The following RASEF variants were observed in gnomAD, a reference collection of about 807,000 sequenced individuals.
RASEF encodes the protein RAS and EF-hand domain containing, also known as ras and EF-hand domain-containing protein.
A neutral mutation model predicts 90.1 loss-of-function variants in RASEF; 68 were observed. That is an observed-to-expected ratio of 0.75 (90% confidence interval 0.62 to 0.92). RASEF has a LOEUF of 0.92. RASEF is among the 40% of genes least tolerant of loss of function. RASEF has a pLI of 0.00. For missense variants in RASEF, 949 were observed against 937.2 expected, an observed-to-expected ratio of 1.01 and a Z score of -0.16; for synonymous variants, 331 against 345.2, an observed-to-expected ratio of 0.96 and a Z score of 0.46.
the RASEF span, among the ~76,000 whole-genome samples, chr9:83,170,736 A>G: frequency 6.6e-6 from 1 of 151,972 alleles, no homozygotes; most frequent in Non-Finnish European, 1.5e-5. Flanking sequence ...ATTAGCTAGT[A>G]TAGAAACACT....
the RASEF span, among the ~76,000 whole-genome samples, chr9:83,123,237 C>CA: frequency 0.017 from 1,376 of 83,326 alleles, 58 homozygotes; most frequent in African/African-American, 0.048. Context: ...GAGACTCCAT[C>CA]AAAAAAAAAA....
At chr9:83,093,266 G>A in the RASEF span, among the ~76,000 whole-genome samples, 2 of 152,242 alleles carry the variant, frequency 1.3e-5, no homozygotes, top group African/African-American at 4.8e-5. Flanking sequence ...GCTGCAGGTG[G>A]AGCTGCCTGC....
chr9:83,189,315 C>G, the RASEF span, among the ~76,000 whole-genome samples: 1 of 152,178 alleles, frequency 6.6e-6, no homozygotes, highest in Non-Finnish European at 1.5e-5. Flanking sequence ...TGCAATGATT[C>G]TAAGTTTCCT....
intron 6 of RASEF, among the ~76,000 whole-genome samples, chr9:83,008,891 CATATAT>C (rs56810511): frequency 0.014 from 271 of 19,552 alleles, 1 homozygote; most frequent in African/African-American, 0.017. Context: ...AAGTTCTCAT[CATATAT>C]ATATATATAT....
At chr9:83,049,602 CA>C (rs1325889922) in intron 1 of RASEF, among the ~76,000 whole-genome samples, 1 of 128,724 alleles carries the variant, frequency 7.8e-6, no homozygotes, top group African/African-American at 3.3e-5. Flanking sequence ...AGGTTAGTTA[CA>C]TATGTATACA....
At chr9:83,189,965 C>T in the RASEF span, among the ~76,000 whole-genome samples, 5 of 152,200 alleles carry the variant, frequency 3.3e-5, no homozygotes, top group South Asian at 8.3e-4. Flanking sequence ...TTTCTTCTCT[C>T]ACTCTGGAGT....
chr9:83,198,504 G>C, the RASEF span, among the ~76,000 whole-genome samples: 1 of 152,264 alleles, frequency 6.6e-6, no homozygotes, highest in East Asian at 1.9e-4. Context: ...AGACCCCAGG[G>C]AGCGGCCCCA....
At chr9:82,987,936 A>G (rs1828738515) in intron 16 of RASEF, among the ~76,000 whole-genome samples, 1 of 152,178 alleles carries the variant, frequency 6.6e-6, no homozygotes, top group African/African-American at 2.4e-5. Context: ...GCAGCTAGTA[A>G]CCACATGCAA....
At chr9:83,083,671 G>C in the RASEF span, among the ~76,000 whole-genome samples, 1 of 152,060 alleles carries the variant, frequency 6.6e-6, no homozygotes, top group Non-Finnish European at 1.5e-5. Flanking sequence ...AGAATCATCA[G>C]CAAAACCATA....
the RASEF span, among the ~76,000 whole-genome samples, chr9:83,117,190 C>T: frequency 6.6e-6 from 1 of 151,986 alleles, no homozygotes; most frequent in Non-Finnish European, 1.5e-5. Context: ...TTAGATTTTC[C>T]CAGACTGATA....
chr9:83,126,965 C>A, the RASEF span, among the ~76,000 whole-genome samples: 1 of 152,102 alleles, frequency 6.6e-6, no homozygotes, highest in African/African-American at 2.4e-5. Flanking sequence ...CTCTGGACTG[C>A]TTTAGCAGAT....
the RASEF span, among the ~76,000 whole-genome samples, chr9:83,104,888 G>T: frequency 2.0e-5 from 3 of 152,122 alleles, no homozygotes; most frequent in Non-Finnish European, 4.4e-5. Flanking sequence ...TTTAGCACTT[G>T]CCCAATACCA....
At position 83,022,392 on chromosome 9, in the gene RASEF, A is replaced by G. The variant is rs1829460851; in HGVS notation, c.613T>C (p.Leu205=). 1 of 1,613,882 alleles carries G rather than the reference A, an allele frequency of 6.2e-7. No homozygotes were observed. The highest frequency in any genetic ancestry group is 8.5e-7 in the Non-Finnish European group (1 of 1,179,946). Residue 205 remains leucine, a synonymous_variant, in exon 3 of 17, where the codon TTG becomes CTG. Coordinates refer to ENST00000376447, the MANE Select transcript of RASEF (RefSeq NM_152573.4). ...ATCCTCTGATCCATTTCCTCTTCCA[A>G]CTCACTCAACTGCATAGCTGCCTTG... ...QDKAAMQLSE[L]EEEMDQRIQA...
the RASEF span, among the ~76,000 whole-genome samples, chr9:83,154,918 C>A: frequency 6.6e-6 from 1 of 152,086 alleles, no homozygotes; most frequent in Non-Finnish European, 1.5e-5. Flanking sequence ...AAAGGAGGCC[C>A]AGAAATTCTG....
chr9:82,983,838 C>A (rs1828663820), intron 16 of RASEF, among the ~76,000 whole-genome samples: 1 of 152,286 alleles, frequency 6.6e-6, no homozygotes, highest in African/African-American at 2.4e-5. Flanking sequence ...GACTGAGATG[C>A]CACGTGGAGT....
At chr9:83,167,727 C>A in the RASEF span, among the ~76,000 whole-genome samples, 72 of 152,216 alleles carry the variant, frequency 4.7e-4, no homozygotes, top group Non-Finnish European at 9.0e-4. Context: ...TCTGTCTATA[C>A]AAATTTGCCT....
At chr9:83,183,467 G>A in the RASEF span, among the ~76,000 whole-genome samples, 1 of 152,064 alleles carries the variant, frequency 6.6e-6, no homozygotes, top group Non-Finnish European at 1.5e-5. Context: ...ACTAGACATG[G>A]AGTAAGCAAG....
At chr9:83,133,940 T>C in the RASEF span, among the ~76,000 whole-genome samples, 1 of 152,084 alleles carries the variant, frequency 6.6e-6, no homozygotes, top group South Asian at 2.1e-4. Flanking sequence ...AGTTCCCCCA[T>C]GCAATTCACA....
intron 1 of RASEF, among the ~76,000 whole-genome samples, chr9:83,039,581 T>C (rs985439915): frequency 3.3e-5 from 5 of 152,128 alleles, no homozygotes; most frequent in African/African-American, 9.7e-5. Flanking sequence ...ATGGGAAATA[T>C]GATTGCCAAG....
Sources: gnomAD v4.1 joint callset for allele counts (sites outside exome capture counted in the v4.1 genomes callset) on GRCh38, gnomAD v4.1.1 for gene constraint, MANE v1.5 for transcripts, NCBI Gene and HGNC (gene_info 2026-07-23, HGNC 2026-07-21) for gene names.